Variants in LDLRAD3 observed in about 807,000 individuals in gnomAD.
LDLRAD3 encodes low-density lipoprotein receptor class A domain-containing protein 3.
LDLRAD3 carries 20 observed loss-of-function variants against 29.4 expected under a neutral mutation model. The ratio of observed to expected loss-of-function variants is 0.68; its 90% CI spans 0.48 to 0.99. LDLRAD3 has a LOEUF of 0.99. Ranked by LOEUF, LDLRAD3 falls within the 50% of genes least tolerant of loss-of-function variation. LDLRAD3 has a pLI of 0.00. For missense variants in LDLRAD3, 420 were observed against 454.3 expected (o/e 0.92, Z 0.69); for synonymous variants, 157 against 192.7 (o/e 0.81, Z 1.53).
chr11:36,071,050 TCA>T (rs1305008858), intron 2 of LDLRAD3, among the ~76,000 whole-genome samples: 1 of 151,806 alleles, frequency 6.6e-6, no homozygotes, highest in Non-Finnish European at 1.5e-5. Flanking sequence ...AAAAGAAGAG[TCA>T]TGGTTTCCTT....
chr11:36,179,857 G>A (rs1044028072), intron 4 of LDLRAD3, among the ~76,000 whole-genome samples: 3 of 152,104 alleles, frequency 2.0e-5, no homozygotes, highest in Admixed American at 2.0e-4. Flanking sequence ...AGCCGGACAT[G>A]GTAGCCTGTG....
intron 5 of LDLRAD3, among the ~76,000 whole-genome samples, chr11:36,228,417 G>A (rs1181338544): frequency 6.6e-6 from 1 of 152,198 alleles, no homozygotes; most frequent in African/African-American, 2.4e-5. Flanking sequence ...TGCTGAATCT[G>A]GAAACAGAAT....
At chr11:35,949,750 C>G (rs962140968) in intron 1 of LDLRAD3, among the ~76,000 whole-genome samples, 3 of 152,202 alleles carry the variant, frequency 2.0e-5, no homozygotes, top group Non-Finnish European at 2.9e-5. Context: ...GCTTCCACCT[C>G]TCTTCAGACT....
At chr11:36,023,008 T>C (rs1294265536) in intron 1 of LDLRAD3, among the ~76,000 whole-genome samples, 1 of 152,204 alleles carries the variant, frequency 6.6e-6, no homozygotes, top group Non-Finnish European at 1.5e-5. Context: ...TAATTCCTCA[T>C]GATGGAGGGC....
chr11:36,147,365 G>A (rs1447330241), intron 4 of LDLRAD3, among the ~76,000 whole-genome samples: 7 of 150,988 alleles, frequency 4.6e-5, no homozygotes, highest in South Asian at 2.1e-4. Context: ...TGATCCACCC[G>A]CCTCGGCCTC....
intron 2 of LDLRAD3, among the ~76,000 whole-genome samples, chr11:36,055,990 CTTTTTTTTT>C (rs67731567): frequency 2.1e-5 from 2 of 95,370 alleles, no homozygotes; most frequent in East Asian, 3.8e-4. Flanking sequence ...ACAGCTTGCC[CTTTTTTTTT>C]TTTTTTTTTT....
chr11:36,046,461 C>T (rs936847690), intron 2 of LDLRAD3, among the ~76,000 whole-genome samples: 5 of 152,124 alleles, frequency 3.3e-5, no homozygotes, highest in African/African-American at 7.2e-5. Flanking sequence ...TACATCACTC[C>T]GTCTCTGCCT....
intron 4 of LDLRAD3, among the ~76,000 whole-genome samples, chr11:36,109,358 C>T (rs540756351): frequency 1.6e-4 from 24 of 147,484 alleles, no homozygotes; most frequent in African/African-American, 2.0e-4. Context: ...GGATAAGACA[C>T]GTGAAGGTGG....
intron 4 of LDLRAD3, among the ~76,000 whole-genome samples, chr11:36,210,545 CT>C (rs138789690): frequency 0.067 from 10,166 of 152,194 alleles, 433 homozygotes; most frequent in East Asian, 0.17. Context: ...AGTTATTCAT[CT>C]ATTATGGAAC....
intron 4 of LDLRAD3, among the ~76,000 whole-genome samples, chr11:36,158,802 A>T (rs954753158): frequency 1.3e-5 from 2 of 151,972 alleles, no homozygotes; most frequent in African/African-American, 4.8e-5. Flanking sequence ...TATTTTTTTT[A>T]ATTGATACGT....
At chr11:35,992,335 A>G (rs949178244) in intron 1 of LDLRAD3, among the ~76,000 whole-genome samples, 4 of 152,240 alleles carry the variant, frequency 2.6e-5, no homozygotes, top group Non-Finnish European at 5.9e-5. Flanking sequence ...ATTGCCATCA[A>G]ACTTTGTTGA....
intron 1 of LDLRAD3, among the ~76,000 whole-genome samples, chr11:36,007,680 C>G (rs1044930769): frequency 3.9e-5 from 6 of 152,202 alleles, no homozygotes; most frequent in African/African-American, 1.4e-4. Context: ...ATTTTATGAG[C>G]TGCATCAGCC....
chr11:36,105,286 G>T (rs1853512669), intron 4 of LDLRAD3, among the ~76,000 whole-genome samples: 2 of 151,758 alleles, frequency 1.3e-5, no homozygotes, highest in African/African-American at 2.4e-5. Flanking sequence ...GTGTGTGGTT[G>T]TAAGAGTGTA....
At chr11:36,161,970 A>G (rs532877389) in intron 4 of LDLRAD3, among the ~76,000 whole-genome samples, 36 of 152,354 alleles carry the variant, frequency 2.4e-4, no homozygotes, top group Admixed American at 6.5e-4. Context: ...ACTTAGAAAT[A>G]TCCAAAAATA....
chr11:36,036,790 G>C (rs1852310738), intron 2 of LDLRAD3, among the ~76,000 whole-genome samples: 1 of 152,150 alleles, frequency 6.6e-6, no homozygotes, highest in Non-Finnish European at 1.5e-5. Context: ...GATAGATATG[G>C]CTTGAGCTTT....
chr11:35,969,855 A>T lies in LDLRAD3; in HGVS notation c.46+25711A>T, dbSNP rs117460122. On this transcript the variant is annotated intron_variant, in intron 1 of 5. Coordinates refer to ENST00000315571, the MANE Select transcript of LDLRAD3 (RefSeq NM_174902.4). Reference sequence around the variant, plus strand: ...TGGAGTTTTTTTCAGAGACCCACTGATAAAATATTTACTTCAGTGACATGG... The same window carrying T: ...TGGAGTTTTTTTCAGAGACCCACTGTTAAAATATTTACTTCAGTGACATGG... Among the ~76,000 whole-genome samples the T allele has an allele frequency of 1.6e-3, 243 of 152,350 alleles. 1 individual carries two copies. The East Asian group carries it at 0.02, about 12-fold the overall frequency.
intron 4 of LDLRAD3, among the ~76,000 whole-genome samples, chr11:36,153,689 C>G (rs898177599): frequency 3.3e-5 from 5 of 152,088 alleles, no homozygotes; most frequent in Non-Finnish European, 5.9e-5. Flanking sequence ...CAAGTGCTCT[C>G]TTTTGGCCTT....
intron 1 of LDLRAD3, among the ~76,000 whole-genome samples, chr11:35,987,112 A>T (rs1851624808): frequency 6.6e-6 from 1 of 152,224 alleles, no homozygotes; most frequent in Admixed American, 6.5e-5. Flanking sequence ...CTGCCTAAAG[A>T]GAATATTCAT....
chr11:36,090,138 C>T (rs1853258540), intron 3 of LDLRAD3, among the ~76,000 whole-genome samples: 1 of 152,136 alleles, frequency 6.6e-6, no homozygotes, highest in Admixed American at 6.5e-5. Flanking sequence ...TTCACACTTT[C>T]ACTTCTAACC....
Sources: gnomAD v4.1 joint callset for allele counts (sites outside exome capture counted in the v4.1 genomes callset) on GRCh38, gnomAD v4.1.1 for gene constraint, MANE v1.5 for transcripts, NCBI Gene and HGNC (gene_info 2026-07-23, HGNC 2026-07-21) for gene names.